BARD1: variants seen among roughly 807,000 people sequenced by gnomAD.
BARD1 encodes BRCA1 associated RING domain 1.
In BARD1, 73 loss-of-function variants were observed where a neutral mutation model predicts 77.0. That is an observed-to-expected ratio of 0.95 (90% CI 0.79 to 1.15). The LOEUF (loss-of-function observed/expected upper bound fraction) is 1.15, where lower values mean the gene tolerates loss of function less well. BARD1 is among the 50% of genes most tolerant of loss of function. BARD1 has a pLI of 0.00. For synonymous variants in BARD1, 384 were observed against 338.0 expected, an observed-to-expected ratio of 1.14 and a Z score of -1.49; for missense variants, 993 against 938.8, an observed-to-expected ratio of 1.06 and a Z score of -0.75.
At chr2:214,752,384 T>C in intron 7 of BARD1, 63 bp downstream of exon 7, 2 of 1,401,146 alleles carry the variant, frequency 1.4e-6, no homozygotes, top group Non-Finnish European at 2.0e-6. Context: ...TTTTCTATTA[T>C]GTTCCTTTCA....
chr2:214,733,536 A>C (rs1380415883), intron 9 of BARD1, among the ~76,000 whole-genome samples: 2 of 152,200 alleles, frequency 1.3e-5, no homozygotes, highest in Non-Finnish European at 2.9e-5. Context: ...AGGAATGCTC[A>C]AACTGTGTTA....
chr2:214,743,070 G>T (rs1047209791), intron 9 of BARD1, among the ~76,000 whole-genome samples: 1 of 152,158 alleles, frequency 6.6e-6, no homozygotes, highest in South Asian at 2.1e-4. Flanking sequence ...TCATAACTAG[G>T]AGGGACTAAT....
At chr2:214,798,877 G>A (rs1256500059) in intron 1 of BARD1, among the ~76,000 whole-genome samples, 2 of 151,994 alleles carry the variant, frequency 1.3e-5, no homozygotes, top group Non-Finnish European at 2.9e-5. Context: ...CTAGCACTTT[G>A]GGAGGCCGAG....
chr2:214,748,322 A>T (rs1693238298), intron 7 of BARD1, among the ~76,000 whole-genome samples: 1 of 152,160 alleles, frequency 6.6e-6, no homozygotes, highest in Non-Finnish European at 1.5e-5. Flanking sequence ...TGGGGATTTG[A>T]CTTGAATAAG....
chr2:214,795,605 G>T (rs1037457452), intron 2 of BARD1, among the ~76,000 whole-genome samples: 2 of 152,172 alleles, frequency 1.3e-5, no homozygotes, highest in African/African-American at 4.8e-5. Context: ...TATCACAATA[G>T]TATGAGCAGA....
intron 4 of BARD1, among the ~76,000 whole-genome samples, chr2:214,780,187 T>C (rs1694914657): frequency 6.6e-6 from 1 of 152,182 alleles, no homozygotes; most frequent in African/African-American, 2.4e-5. Flanking sequence ...ATATGGGCTT[T>C]TTTACTAAGT....
intron 4 of BARD1, among the ~76,000 whole-genome samples, chr2:214,778,150 T>G (rs1048659268): frequency 2.6e-5 from 4 of 151,920 alleles, no homozygotes; most frequent in African/African-American, 9.7e-5. Flanking sequence ...GAGCTGAGAT[T>G]GTGCCACTGC....
chr2:214,773,525 CA>C (rs1158547639), intron 4 of BARD1, among the ~76,000 whole-genome samples: 1 of 152,054 alleles, frequency 6.6e-6, no homozygotes, highest in Non-Finnish European at 1.5e-5. Flanking sequence ...TGCGATAAAG[CA>C]AATATTGCAA....
chr2:214,738,902 T>C (rs1692686371), intron 9 of BARD1, among the ~76,000 whole-genome samples: 1 of 152,054 alleles, frequency 6.6e-6, no homozygotes. Context: ...GCTAGCACTC[T>C]GGGAGGGTGA....
chr2:214,747,847 A>G (rs1006263977), intron 7 of BARD1, among the ~76,000 whole-genome samples: 1 of 151,778 alleles, frequency 6.6e-6, no homozygotes, highest in African/African-American at 2.4e-5. Flanking sequence ...CCTAAAACTT[A>G]AAGTATAATA....
intron 9 of BARD1, among the ~76,000 whole-genome samples, chr2:214,737,421 G>A (rs1574720770): frequency 6.6e-6 from 1 of 152,050 alleles, no homozygotes; most frequent in East Asian, 1.9e-4. Flanking sequence ...CCATGTCACA[G>A]ATCAAGTTTT....
At chr2:214,783,360 C>T (rs559260904) in intron 3 of BARD1, among the ~76,000 whole-genome samples, 13 of 152,244 alleles carry the variant, frequency 8.5e-5, no homozygotes, top group African/African-American at 3.1e-4. Context: ...GGCACATATA[C>T]ACCATGGAAT....
rs34677017 is a variant in BARD1 at position 214,728,762 on chromosome 2, C to A, written c.2248G>T (p.Val750Phe). ...GCCTTCCAGACTTTGCCCTGCCGAACCCTCTCTGGGTGATAATTACACAAA... is the reference window on the plus strand; with the variant it reads ...GCCTTCCAGACTTTGCCCTGCCGAAACCTCTCTGGGTGATAATTACACAAA... ...EDLCNYHPER[V>F]RQGKVWKAPS... Residue 750 changes from valine to phenylalanine, a missense_variant, in exon 11 of 11, where the codon GTT (valine) becomes TTT (phenylalanine). Physicochemically the swap from Val to Phe is conservative, Grantham distance 50. Coordinates refer to ENST00000260947, the MANE Select transcript of BARD1 (RefSeq NM_000465.4). The A allele has an allele frequency of 6.2e-7, 1 of 1,614,172 alleles. No individual in the cohort carries two copies.
chr2:214,739,993 T>C (rs1405391829), intron 9 of BARD1, among the ~76,000 whole-genome samples: 1 of 152,056 alleles, frequency 6.6e-6, no homozygotes, highest in Non-Finnish European at 1.5e-5. Flanking sequence ...GACCTTGTAT[T>C]ATGCATAATA....
intron 4 of BARD1, among the ~76,000 whole-genome samples, chr2:214,772,340 G>A (rs1304355423): frequency 6.6e-6 from 1 of 152,022 alleles, no homozygotes. Flanking sequence ...CCTGTAACAA[G>A]TGAGCAGATA....
At chr2:214,785,268 A>G (rs2106120152) in intron 3 of BARD1, among the ~76,000 whole-genome samples, 1 of 152,158 alleles carries the variant, frequency 6.6e-6, no homozygotes, top group Non-Finnish European at 1.5e-5. Context: ...GTTTTTCTTC[A>G]TTGACAAATC....
In BARD1 at chr2:214,746,187, G is replaced by A. The variant is rs116750175; in HGVS notation, c.1678-333C>T. Among the ~76,000 whole-genome samples the A allele has an allele frequency of 0.019, 2,831 of 152,072 alleles. 91 individuals are homozygous for A. Among genetic ancestry groups the A allele is most frequent in the African/African-American group, 0.064 (2,669 of 41,454 alleles). On this transcript the variant is annotated intron_variant, in intron 7 of 10. Coordinates refer to ENST00000260947, the MANE Select transcript of BARD1 (RefSeq NM_000465.4). The stretch of plus-strand genomic sequence containing the variant: ...AACTTAAAATATCCACTTAAAATCA[G>A]CAATTCCCTATTCCACCTCCACTAA...
intron 9 of BARD1, among the ~76,000 whole-genome samples, chr2:214,735,618 A>G (rs1049294141): frequency 6.6e-6 from 1 of 152,322 alleles, no homozygotes; most frequent in East Asian, 1.9e-4. Context: ...AAGTGGCAGA[A>G]TGGGAATTTG....
At chr2:214,803,195 C>A (rs184204278) in intron 1 of BARD1, among the ~76,000 whole-genome samples, 1 of 126,236 alleles carries the variant, frequency 7.9e-6, no homozygotes, top group East Asian at 2.0e-4. Flanking sequence ...GCGGAAGGAC[C>A]CCTGCCTAGG....
Sources: allele counts gnomAD v4.1 joint callset (sites outside exome capture counted in the v4.1 genomes callset), GRCh38; gene constraint gnomAD v4.1.1; transcripts MANE v1.5; gene names NCBI Gene and HGNC (gene_info 2026-07-23, HGNC 2026-07-21).